The following NXPE2 variants were observed in gnomAD, a reference collection of about 807,000 sequenced individuals.
NXPE2 encodes neurexophilin and PC-esterase domain family member 2, also known as NXPE family member 2.
In NXPE2, 34 loss-of-function variants were observed where a neutral mutation model predicts 34.4. That is an observed-to-expected ratio of 0.99 (90% CI 0.75 to 1.31). The LOEUF (loss-of-function observed/expected upper bound fraction) is 1.31. Ranked by LOEUF, NXPE2 falls within the 40% of genes most tolerant of loss-of-function variation. The pLI is 0.00. For missense variants in NXPE2, 649 were observed against 672.5 expected, an observed-to-expected ratio of 0.97 and a Z score of 0.39; for synonymous variants, 235 against 231.3, an observed-to-expected ratio of 1.02 and a Z score of -0.15.
chr11:114,677,218 A>G (rs1950868690), upstream of NXPE2, among the ~76,000 whole-genome samples: 1 of 152,086 alleles, frequency 6.6e-6, no homozygotes. Context: ...TTGTGTCTAT[A>G]GTTAATAATA....
At chr11:114,542,135 T>G in the NXPE2 span, among the ~76,000 whole-genome samples, 3 of 152,238 alleles carry the variant, frequency 2.0e-5, no homozygotes, top group African/African-American at 7.2e-5. Flanking sequence ...AATTGTTCCT[T>G]ATGTAGCATC....
the NXPE2 span, among the ~76,000 whole-genome samples, chr11:114,556,997 A>G: frequency 6.6e-6 from 1 of 151,902 alleles, no homozygotes; most frequent in Non-Finnish European, 1.5e-5. Context: ...GGTTCAAGCA[A>G]TTATAGTGCC....
the NXPE2 span, among the ~76,000 whole-genome samples, chr11:114,585,846 G>A: frequency 2.8e-4 from 43 of 152,066 alleles, no homozygotes; most frequent in Non-Finnish European, 4.4e-4. Context: ...GAATGCTGGC[G>A]GCTGTGTCAA....
the NXPE2 span, among the ~76,000 whole-genome samples, chr11:114,794,297 G>A: frequency 7.2e-5 from 11 of 152,102 alleles, no homozygotes; most frequent in African/African-American, 2.7e-4. Context: ...TCTCATTCTA[G>A]ATGAAGCACC....
chr11:114,503,178 G>A, the NXPE2 span, among the ~76,000 whole-genome samples: 1 of 151,630 alleles, frequency 6.6e-6, no homozygotes, highest in Non-Finnish European at 1.5e-5. Context: ...AGACCTGTTT[G>A]CCACCTTATC....
the NXPE2 span, among the ~76,000 whole-genome samples, chr11:114,488,193 T>C: frequency 6.6e-6 from 1 of 152,182 alleles, no homozygotes; most frequent in Admixed American, 6.5e-5. Flanking sequence ...GTGATTGGCC[T>C]ATTTAGGTTT....
the NXPE2 span, among the ~76,000 whole-genome samples, chr11:114,762,567 G>T: frequency 6.6e-6 from 1 of 152,236 alleles, no homozygotes; most frequent in Admixed American, 6.5e-5. Context: ...ATGAACAGAC[G>T]CTGAAGGAAA....
At chr11:114,636,849 C>G in the NXPE2 span, among the ~76,000 whole-genome samples, 2 of 152,006 alleles carry the variant, frequency 1.3e-5, no homozygotes, top group Admixed American at 6.6e-5. Flanking sequence ...AATTTCTGTT[C>G]TTTTACATTT....
At chr11:114,518,959 C>G in the NXPE2 span, among the ~76,000 whole-genome samples, 1 of 152,156 alleles carries the variant, frequency 6.6e-6, no homozygotes, top group Non-Finnish European at 1.5e-5. Context: ...AGCATATCAA[C>G]AAACCACTTT....
chr11:114,485,365 C>A, the NXPE2 span, among the ~76,000 whole-genome samples: 1 of 148,026 alleles, frequency 6.8e-6, no homozygotes, highest in Non-Finnish European at 1.5e-5. Context: ...CCTACCATCA[C>A]GCCTGGCTAA....
chr11:114,599,002 G>A, the NXPE2 span, among the ~76,000 whole-genome samples: 10 of 152,144 alleles, frequency 6.6e-5, no homozygotes, highest in Non-Finnish European at 1.2e-4. Context: ...ATATGGCCAG[G>A]CTGCAAATTT....
chr11:114,625,551 AC>A, the NXPE2 span, among the ~76,000 whole-genome samples: 9 of 152,144 alleles, frequency 5.9e-5, no homozygotes, highest in African/African-American at 1.9e-4. Context: ...AACCACTGTT[AC>A]CCGGTGGATA....
chr11:114,708,293 T>C (rs887624600), downstream of NXPE2, among the ~76,000 whole-genome samples: 1 of 152,168 alleles, frequency 6.6e-6, no homozygotes, highest in Non-Finnish European at 1.5e-5. Context: ...CTTAGTATTA[T>C]GTTAACGTAC....
the NXPE2 span, chr11:114,551,005 G>C: frequency 1.5e-6 from 1 of 651,830 alleles, no homozygotes; most frequent in South Asian, 1.8e-5. Flanking sequence ...TTGAGGTGGG[G>C]GAGGAGGGGC....
chr11:114,476,476 C>T, the NXPE2 span, among the ~76,000 whole-genome samples: 1 of 151,790 alleles, frequency 6.6e-6, no homozygotes, highest in African/African-American at 2.4e-5. Context: ...TGTATTTGTC[C>T]ATTTTCACAC....
At chr11:114,774,545 G>A in the NXPE2 span, among the ~76,000 whole-genome samples, 3 of 152,224 alleles carry the variant, frequency 2.0e-5, no homozygotes, top group African/African-American at 7.2e-5. Context: ...TCCTTCGGAG[G>A]AGGGCTCCTT....
chr11:114,468,692 A>G, the NXPE2 span, among the ~76,000 whole-genome samples: 1 of 152,206 alleles, frequency 6.6e-6, no homozygotes, highest in Middle Eastern at 3.2e-3. Context: ...TAGTCCCCAC[A>G]ACAGATTATC....
chr11:114,623,985 G>A, the NXPE2 span, among the ~76,000 whole-genome samples: 23 of 152,214 alleles, frequency 1.5e-4, no homozygotes, highest in East Asian at 4.4e-3. Flanking sequence ...ATTGCCTCGT[G>A]GGTAACCACT....
chr11:114,698,600 G>A lies in NXPE2; in HGVS notation c.688G>A (p.Glu230Lys), dbSNP rs763515627. The A allele has an allele frequency of 1.2e-6, 2 of 1,614,196 alleles. No homozygotes were observed. The highest frequency in any genetic ancestry group is 2.2e-5 in the South Asian group (2 of 91,082). Residue 230 changes from glutamate to lysine, a missense_variant, in exon 3 of 6, where the codon GAA (glutamate) becomes AAA (lysine). Coordinates refer to ENST00000389586, the MANE Select transcript of NXPE2 (RefSeq NM_182495.6). Reference protein sequence around the residue: ...FANRSSNVFTECGLTLNTNAE... With the variant: ...FANRSSNVFTKCGLTLNTNAE... ...CAACAGAAGCTCCAATGTCTTCACTGAATGTGGCCTGACCCTAAACACAAA... is the reference window on the plus strand; with the variant it reads ...CAACAGAAGCTCCAATGTCTTCACTAAATGTGGCCTGACCCTAAACACAAA...
Sources: allele counts gnomAD v4.1 joint callset (sites outside exome capture counted in the v4.1 genomes callset), GRCh38; gene constraint gnomAD v4.1.1; transcripts MANE v1.5; gene names NCBI Gene and HGNC (gene_info 2026-07-23, HGNC 2026-07-21).